The following PHIP variants were observed in gnomAD, a reference collection of about 807,000 sequenced individuals.
The protein encoded by PHIP is PH-interacting protein.
PHIP carries 54 observed loss-of-function variants against 236.8 expected under a neutral mutation model. The ratio of observed to expected loss-of-function variants is 0.23; its 90% CI spans 0.18 to 0.29. PHIP has a LOEUF of 0.29. PHIP is among the 10% of genes least tolerant of loss of function. PHIP has a pLI of 1.00. For missense variants in PHIP, 1,370 were observed against 2,190.8 expected (o/e 0.63, Z 7.48); for synonymous variants, 756 against 718.9 (o/e 1.05, Z -0.83).
intron 29 of PHIP, among the ~76,000 whole-genome samples, chr6:78,964,892 C>T (rs1409707379): frequency 6.6e-6 from 1 of 152,098 alleles, no homozygotes; most frequent in African/African-American, 2.4e-5. Flanking sequence ...ATTAAAATCT[C>T]GACAATATCC....
intron 14 of PHIP, 43 bp downstream of exon 14, chr6:79,015,587 T>C (rs780195228): frequency 7.2e-7 from 1 of 1,387,566 alleles, no homozygotes; most frequent in South Asian, 1.3e-5. Flanking sequence ...CATTCTATAG[T>C]CAGCTTCAGT....
At chr6:78,997,387 T>G (rs552062377) in intron 19 of PHIP, 27 bp downstream of exon 19, 9 of 1,598,416 alleles carry the variant, frequency 5.6e-6, no homozygotes, top group Non-Finnish European at 7.7e-6. Context: ...GGAACTATGG[T>G]ACATAAAAAT....
chr6:79,027,577 A>C (rs1467616302), intron 7 of PHIP, among the ~76,000 whole-genome samples: 1 of 152,188 alleles, frequency 6.6e-6, no homozygotes, highest in Non-Finnish European at 1.5e-5. Flanking sequence ...ATGAGATATA[A>C]AGACACAGTA....
intron 4 of PHIP, among the ~76,000 whole-genome samples, chr6:79,066,399 TA>T (rs1381043003): frequency 2.0e-5 from 3 of 152,158 alleles, no homozygotes; most frequent in African/African-American, 7.2e-5. Context: ...AGAATTTATT[TA>T]AAAAGATATT....
chr6:79,047,542 T>C (rs1358906749), intron 6 of PHIP, among the ~76,000 whole-genome samples: 2 of 151,994 alleles, frequency 1.3e-5, no homozygotes, highest in Admixed American at 1.3e-4. Context: ...AAATAAGAGG[T>C]TTTAAGTCTG....
At chr6:79,004,560 A>G (rs2127733591) in intron 15 of PHIP, among the ~76,000 whole-genome samples, 1 of 152,180 alleles carries the variant, frequency 6.6e-6, no homozygotes. Context: ...ATTCTACCCT[A>G]TCTAAAGCAC....
In PHIP at chr6:78,945,452, G is replaced by C. The variant is rs1773756507; in HGVS notation, c.4676C>G (p.Ser1559Cys). 1 of 1,610,910 alleles carries C rather than the reference G, an allele frequency of 6.2e-7. No homozygotes were observed. The highest frequency in any genetic ancestry group is 8.5e-7 in the Non-Finnish European group (1 of 1,177,238). The change falls in exon 39 of 40, where the codon TCC becomes TGC. Residue 1559 changes from serine to cysteine, a missense_variant. This residue lies in a region of PHIP where 309 missense variants were observed against 328.3 expected (regional missense o/e 0.94). Coordinates refer to ENST00000275034, the MANE Select transcript of PHIP (RefSeq NM_017934.7). ...ACTAAAACTGGATTGACCAGGACTG[G>C]AAAGAGTATTCAAAGCTTTGGAATG... ...VKHSKALNTL[S>C]SPGQSSFSHG... is the part of the protein sequence containing the mutation.
chr6:79,060,844 AG>A, intron 4 of PHIP, 26 bp from the exon 5 acceptor site: 1 of 1,452,200 alleles, frequency 6.9e-7, no homozygotes, highest in Non-Finnish European at 9.3e-7. Context: ...CAAATATAGT[AG>A]GTTTCAGTTT....
rs1773758461 is a variant in PHIP at position 78,945,487 on chromosome 6, A to T, written c.4641T>A (p.Asn1547Lys). The T allele has an allele frequency of 1.3e-6, 2 of 1,596,320 alleles. No homozygotes were observed. The highest frequency in any genetic ancestry group is 1.1e-5 in the South Asian group (1 of 90,644). ...SAIPGKTILE[N>K]SVKHSKALNT... is the part of the protein sequence containing the mutation. ...TCAAAGCTTTGGAATGTTTCACAGA[A>T]TTCTCTAGTACTAAAACATACAAAC... Residue 1547 changes from asparagine to lysine, a missense_variant, in exon 39 of 40, where the codon AAT (asparagine) becomes AAA (lysine). Physicochemically the swap from Asn to Lys is moderately conservative, Grantham distance 94. Around this residue, in one of 14 missense-constraint regions of PHIP, gnomAD observed 309 missense variants for 328.3 expected, o/e 0.94. Coordinates refer to ENST00000275034, the MANE Select transcript of PHIP (RefSeq NM_017934.7).
chr6:78,976,079 C>T (rs1206209187), intron 24 of PHIP, among the ~76,000 whole-genome samples: 1 of 151,562 alleles, frequency 6.6e-6, no homozygotes, highest in Non-Finnish European at 1.5e-5. Flanking sequence ...CAATCCTAAG[C>T]CAAAAGAACA....
chr6:78,953,575 G>A (rs1294154180), intron 35 of PHIP, among the ~76,000 whole-genome samples: 3 of 152,074 alleles, frequency 2.0e-5, no homozygotes, highest in Admixed American at 2.0e-4. Flanking sequence ...TGAAAGGTGA[G>A]GTTCTAATTA....
Position 78,983,091 on chromosome 6 carries a change from C to T in PHIP, c.2564G>A (p.Trp855Ter), listed in dbSNP as rs2127718655. ...SSDYSSDYSD[W>*]TADAGINLQP... ...CAGATTAATTCCTGCATCTGCTGTC[C>T]AGTCAGAGTAATCACTGGAGTAGTC... The change falls in exon 23 of 40, where the codon TGG (tryptophan) becomes TAG (stop). Residue 855 changes from tryptophan (W) to a stop codon, truncating the protein, a stop_gained. Transcript: ENST00000275034. LOFTEE classifies it high-confidence loss of function. 1 of 1,606,286 alleles carries T rather than the reference C, an allele frequency of 6.2e-7. No homozygotes were observed. The highest frequency in any genetic ancestry group is 8.5e-7 in the Non-Finnish European group (1 of 1,176,620).
chr6:78,977,473 T>G (rs1326331639), intron 24 of PHIP, among the ~76,000 whole-genome samples: 1 of 152,088 alleles, frequency 6.6e-6, no homozygotes, highest in Non-Finnish European at 1.5e-5. Context: ...CATGTATACG[T>G]ATGTAACTAA....
intron 23 of PHIP, among the ~76,000 whole-genome samples, chr6:78,979,809 A>G (rs1768389203): frequency 6.6e-6 from 1 of 152,130 alleles, no homozygotes; most frequent in African/African-American, 2.4e-5. Flanking sequence ...TAGTGTAATT[A>G]TCAGTATAAA....
chr6:78,986,373 A>C (rs780899364), intron 21 of PHIP, among the ~76,000 whole-genome samples: 3 of 152,206 alleles, frequency 2.0e-5, no homozygotes, highest in Non-Finnish European at 4.4e-5. Context: ...AATAAACTTT[A>C]TGCTCCAATA....
Position 78,970,177 on chromosome 6 carries a change from A to G in PHIP, c.2998-4T>C, listed in dbSNP as rs1767429708. On this transcript the variant is annotated splice_polypyrimidine_tract_variant and splice_region_variant and intron_variant, in intron 25 of 39. Transcript: ENST00000275034. ...CTATTTTCATAAGTTCTTGTTCCTGAGAGAGACAGAGAATATAAGGAACCA... is the reference window on the plus strand; with the variant it reads ...CTATTTTCATAAGTTCTTGTTCCTGGGAGAGACAGAGAATATAAGGAACCA... The G allele has an allele frequency of 6.2e-7, 1 of 1,608,726 alleles. No individual in the cohort carries two copies. The highest frequency in any genetic ancestry group is 2.2e-5 in the East Asian group (1 of 44,776).
intron 17 of PHIP, among the ~76,000 whole-genome samples, chr6:78,998,893 G>A (rs906681992): frequency 7.2e-5 from 11 of 152,070 alleles, no homozygotes; most frequent in Admixed American, 2.6e-4. Flanking sequence ...CTGAGATCTA[G>A]TGGTAAATAA....
Position 79,001,761 on chromosome 6 carries a change from A to C in PHIP, c.1879+138T>G, listed in dbSNP as rs960401731. 28 of 610,746 alleles carry C rather than the reference A, an allele frequency of 4.6e-5. No individual in the cohort carries two copies. The Admixed American group carries it at 8.0e-4, about 17-fold the overall frequency. 37.8% of individuals were successfully genotyped at this position (610,746 alleles called of 1,614,324 possible). On this transcript the variant is annotated intron_variant, in intron 17 of 39. Coordinates refer to ENST00000275034, the MANE Select transcript of PHIP (RefSeq NM_017934.7). ...AACTTGTAATCCTTAAGCATGATCA[A>C]AGACCTGTATAAAAGTATAAAACAT... is the stretch of plus-strand genomic sequence containing the variant.
At chr6:79,043,080 T>G in intron 6 of PHIP, 77 bp from the exon 7 acceptor site, 1 of 1,124,586 alleles carries the variant, frequency 8.9e-7, no homozygotes, top group South Asian at 1.3e-5. Context: ...AGAATTCACA[T>G]ACTCCAATTT....
Sources: allele counts gnomAD v4.1 joint callset (sites outside exome capture counted in the v4.1 genomes callset), GRCh38; gene constraint gnomAD v4.1.1; regional missense constraint gnomAD v4.1.1; transcripts MANE v1.5; gene names NCBI Gene and HGNC (gene_info 2026-07-23, HGNC 2026-07-21).